NMNAT2: variants seen among roughly 807,000 people sequenced by gnomAD.
NMNAT2 encodes the protein nicotinamide nucleotide adenylyltransferase 2, also known as nicotinamide/nicotinic acid mononucleotide adenylyltransferase 2.
NMNAT2 carries 11 observed loss-of-function variants against 41.6 expected under a neutral mutation model. The observed-to-expected ratio is 0.26, with a 90% CI of 0.17 to 0.44. The LOEUF is 0.44. Among genes scored for constraint, NMNAT2 ranks in the 20% least tolerant of loss-of-function variants. NMNAT2 has a pLI of 1.00. For synonymous variants in NMNAT2, 148 were observed against 151.2 expected, an observed-to-expected ratio of 0.98 and a Z score of 0.16; for missense variants, 288 against 407.7, an observed-to-expected ratio of 0.71 and a Z score of 2.53.
intron 7 of NMNAT2, among the ~76,000 whole-genome samples, chr1:183,281,625 A>C (rs1303860724): frequency 6.6e-6 from 1 of 152,216 alleles, no homozygotes; most frequent in Non-Finnish European, 1.5e-5. Context: ...CGGCCCCAGC[A>C]GGGCTTGAGA....
chr1:183,283,348 T>C (rs766122362), intron 7 of NMNAT2: 4 of 153,808 alleles, frequency 2.6e-5, no homozygotes, highest in Non-Finnish European at 5.8e-5. Flanking sequence ...TTCCCCAGCT[T>C]CAGACACCTG....
intron 1 of NMNAT2, among the ~76,000 whole-genome samples, chr1:183,336,861 G>A (rs1662686808): frequency 6.6e-6 from 1 of 152,082 alleles, no homozygotes; most frequent in Non-Finnish European, 1.5e-5. Context: ...TCAAACAATG[G>A]AATACTTCAT....
chr1:183,348,216 G>A (rs1374808296), intron 1 of NMNAT2, among the ~76,000 whole-genome samples: 2 of 149,836 alleles, frequency 1.3e-5, no homozygotes, highest in Non-Finnish European at 3.0e-5. Context: ...TCTTTTAGAG[G>A]TTTTTTTTTT....
intron 1 of NMNAT2, among the ~76,000 whole-genome samples, chr1:183,378,082 A>G (rs568033007): frequency 6.6e-6 from 1 of 152,320 alleles, no homozygotes; most frequent in Non-Finnish European, 1.5e-5. Context: ...AATTTATAAC[A>G]TAAGTCAATT....
chr1:183,402,439 C>T (rs2101927237), intron 1 of NMNAT2, among the ~76,000 whole-genome samples: 1 of 152,246 alleles, frequency 6.6e-6, no homozygotes, highest in South Asian at 2.1e-4. Context: ...TTTTGTTAGG[C>T]TTCCCTAAAA....
intron 1 of NMNAT2, among the ~76,000 whole-genome samples, chr1:183,382,039 G>A (rs1571629370): frequency 6.6e-6 from 1 of 152,180 alleles, no homozygotes. Context: ...AACTACCTGC[G>A]ACTGAGTAGT....
At chr1:183,293,958 A>T (rs1385215801) in intron 1 of NMNAT2, among the ~76,000 whole-genome samples, 165 bp from the exon 2 acceptor site, 1 of 152,234 alleles carries the variant, frequency 6.6e-6, no homozygotes, top group Non-Finnish European at 1.5e-5. Context: ...GGTGATTCAA[A>T]AGGTTACAGA....
intron 1 of NMNAT2, among the ~76,000 whole-genome samples, chr1:183,350,931 A>G (rs1392802502): frequency 6.6e-6 from 1 of 152,206 alleles, no homozygotes; most frequent in Non-Finnish European, 1.5e-5. Flanking sequence ...ATGTATTTGA[A>G]GGAAAATTTT....
At position 183,382,690 on chromosome 1, in the gene NMNAT2, G is replaced by T. The variant is rs570956999; in HGVS notation, c.85+35493C>A. Among the ~76,000 whole-genome samples the T allele has an allele frequency of 3.3e-5, 5 of 152,302 alleles. No homozygotes were observed. In the South Asian group the frequency reaches 1.0e-3, roughly 32 times the overall value. On this transcript the variant is annotated intron_variant, in intron 1 of 10. Transcript: ENST00000287713. ...CCATGCAAGTCTGAAACCCAGTAGG[G>T]CAGTCATTAAATATTAAATCTCTAA...
chr1:183,290,168 G>A lies in NMNAT2; in HGVS notation c.281C>T (p.Thr94Met), dbSNP rs201582459. The stretch of plus-strand genomic sequence containing the variant: ...GTGGTGTTCCAACACGCTGCAGGTC[G>A]TCTGCCAGGTGTCCTGGTAGCACTC... ...PWECYQDTWQ[T>M]TCSVLEHHRD... The change falls in exon 4 of 11, where the codon ACG becomes ATG. Residue 94 changes from threonine to methionine, a missense_variant. Transcript: ENST00000287713. 9.4e-6 allele frequency: 15 copies of A among 1,587,396 alleles called. No individual in the cohort carries two copies. Among genetic ancestry groups the A allele is most frequent in the African/African-American group, 1.3e-5 (1 of 74,492 alleles).
At chr1:183,265,065 C>A (rs1462450111) in intron 8 of NMNAT2, among the ~76,000 whole-genome samples, 2 of 152,024 alleles carry the variant, frequency 1.3e-5, no homozygotes, top group Non-Finnish European at 2.9e-5. Flanking sequence ...GCATTAACTT[C>A]TCTCCTAACT....
intron 1 of NMNAT2, among the ~76,000 whole-genome samples, chr1:183,407,177 G>A (rs1648980496): frequency 6.6e-6 from 1 of 152,118 alleles, no homozygotes; most frequent in Non-Finnish European, 1.5e-5. Flanking sequence ...CATGTCCCAT[G>A]CACCCGCCTG....
intron 1 of NMNAT2, among the ~76,000 whole-genome samples, chr1:183,391,310 G>GT (rs1277547296): frequency 2.6e-5 from 4 of 152,142 alleles, no homozygotes; most frequent in Admixed American, 6.5e-5. Context: ...CTACCTGTCT[G>GT]TAACTCTGTA....
At chr1:183,341,091 C>T (rs569430726) in intron 1 of NMNAT2, among the ~76,000 whole-genome samples, 1 of 152,294 alleles carries the variant, frequency 6.6e-6, no homozygotes, top group East Asian at 1.9e-4. Context: ...TGGGCTAGAA[C>T]TTGAACCCAG....
intron 1 of NMNAT2, among the ~76,000 whole-genome samples, chr1:183,340,696 A>G (rs1206621071): frequency 1.3e-5 from 2 of 152,184 alleles, no homozygotes; most frequent in Non-Finnish European, 2.9e-5. Context: ...AGATGTAAGC[A>G]TATCTGCCTG....
intron 1 of NMNAT2, among the ~76,000 whole-genome samples, chr1:183,313,683 A>C (rs1426214546): frequency 6.6e-6 from 1 of 152,084 alleles, no homozygotes; most frequent in African/African-American, 2.4e-5. Flanking sequence ...ATGGGGTTTC[A>C]CCATGTTGGC....
intron 1 of NMNAT2, among the ~76,000 whole-genome samples, chr1:183,383,462 C>T (rs1010875303): frequency 6.6e-6 from 1 of 152,224 alleles, no homozygotes; most frequent in Non-Finnish European, 1.5e-5. Context: ...TTTTTCTTTT[C>T]TACCACATGG....
At chr1:183,378,674 T>C (rs192146384) in intron 1 of NMNAT2, among the ~76,000 whole-genome samples, 2 of 152,078 alleles carry the variant, frequency 1.3e-5, no homozygotes, top group Admixed American at 1.3e-4. Context: ...TAGAAATCAT[T>C]GAGGAAGGTA....
At chr1:183,322,459 C>T (rs1458718200) in intron 1 of NMNAT2, among the ~76,000 whole-genome samples, 1 of 152,178 alleles carries the variant, frequency 6.6e-6, no homozygotes, top group Admixed American at 6.5e-5. Context: ...ACCTTCTTCT[C>T]ATCTAGAACG....
Sources: allele counts gnomAD v4.1 joint callset (sites outside exome capture counted in the v4.1 genomes callset), GRCh38; gene constraint gnomAD v4.1.1; transcripts MANE v1.5; gene names NCBI Gene and HGNC (gene_info 2026-07-23, HGNC 2026-07-21).